PTPN11: variants seen among roughly 807,000 people sequenced by gnomAD.
The protein encoded by PTPN11 is protein tyrosine phosphatase non-receptor type 11.
In PTPN11, 6 loss-of-function variants were observed where a neutral mutation model predicts 78.8. That is an observed-to-expected ratio of 0.08 (90% CI 0.04 to 0.15). PTPN11 has a LOEUF of 0.15. PTPN11 is among the 10% of genes least tolerant of loss of function. PTPN11 has a pLI of 1.00. For missense variants in PTPN11, 386 were observed against 744.8 expected (o/e 0.52, Z 5.61); for synonymous variants, 221 against 263.5 (o/e 0.84, Z 1.56).
intron 13 of PTPN11, among the ~76,000 whole-genome samples, chr12:112,489,929 A>G (rs1039423176): frequency 6.6e-6 from 1 of 152,196 alleles, no homozygotes; most frequent in Non-Finnish European, 1.5e-5. Flanking sequence ...CAGTATTTGA[A>G]AGATTTCTAG....
chr12:112,419,261 TCG>T, intron 1 of PTPN11, 136 bp downstream of exon 1: 1 of 868,332 alleles, frequency 1.2e-6, no homozygotes, highest in Non-Finnish European at 1.6e-6. Flanking sequence ...GGTTCCCTCC[TCG>T]TCCCCTCGCC....
chr12:112,499,383 C>G (rs1371540569), intron 13 of PTPN11, among the ~76,000 whole-genome samples: 1 of 151,992 alleles, frequency 6.6e-6, no homozygotes, highest in East Asian at 1.9e-4. Flanking sequence ...TCTCAAGTCA[C>G]CCAGGCTGGA....
At chr12:112,455,855 A>G in intron 5 of PTPN11, 95 bp from the exon 6 acceptor site, 1 of 793,624 alleles carries the variant, frequency 1.3e-6, no homozygotes, top group Non-Finnish European at 2.2e-6. Context: ...GCCTTTATGA[A>G]TATCAACATA....
intron 7 of PTPN11, among the ~76,000 whole-genome samples, chr12:112,473,906 T>G (rs910588732): frequency 6.6e-5 from 10 of 152,092 alleles, no homozygotes; most frequent in African/African-American, 2.4e-4. Context: ...ACCTTTCAAT[T>G]TTTTTTTGAG....
intron 13 of PTPN11, 73 bp downstream of exon 13, chr12:112,489,248 C>T (rs1255780706): frequency 6.5e-7 from 1 of 1,541,464 alleles, no homozygotes; most frequent in Non-Finnish European, 9.0e-7. Context: ...TCCTTTTGAG[C>T]AGGAGGACAG....
At chr12:112,501,009 A>G (rs1049451320) in intron 13 of PTPN11, among the ~76,000 whole-genome samples, 6 of 152,258 alleles carry the variant, frequency 3.9e-5, no homozygotes, top group Middle Eastern at 3.4e-3. Context: ...GGCTCAAGCA[A>G]TTCTCCTGCC....
At chr12:112,432,556 C>G (rs1566157477) in intron 1 of PTPN11, among the ~76,000 whole-genome samples, 1 of 151,476 alleles carries the variant, frequency 6.6e-6, no homozygotes, top group Non-Finnish European at 1.5e-5. Context: ...GTAATCCCAG[C>G]TACTCAGGAG....
In PTPN11 at chr12:112,453,243, T is replaced by C. The variant is rs757004128; in HGVS notation, c.381T>C (p.Thr127=). The change falls in exon 4 of 16, where the codon ACT becomes ACC. Residue 127 remains threonine, a synonymous_variant. Coordinates refer to ENST00000351677, the MANE Select transcript of PTPN11 (RefSeq NM_002834.5). ...GGAAAGAAGCAGAGAAATTATTAACTGAAAAAGGAAAACATGGTAGTTTTC... is the reference window on the plus strand; with the variant it reads ...GGAAAGAAGCAGAGAAATTATTAACCGAAAAAGGAAAACATGGTAGTTTTC... The part of the protein sequence containing the change: ...LSGKEAEKLL[T]EKGKHGSFLV... The C allele has an allele frequency of 6.2e-7, 1 of 1,613,088 alleles. No homozygotes were observed. The highest frequency in any genetic ancestry group is 1.7e-5 in the Admixed American group (1 of 60,012).
chr12:112,434,939 A>G (rs1391471501), intron 1 of PTPN11, among the ~76,000 whole-genome samples: 1 of 151,864 alleles, frequency 6.6e-6, no homozygotes, highest in Non-Finnish European at 1.5e-5. Flanking sequence ...GGCACGCACC[A>G]CCATGCCCAG....
intron 9 of PTPN11, among the ~76,000 whole-genome samples, chr12:112,479,835 C>A (rs1566182180): frequency 6.6e-6 from 1 of 152,130 alleles, no homozygotes; most frequent in Admixed American, 6.6e-5. Context: ...AATCACTCTG[C>A]CCCACCCCTC....
intron 6 of PTPN11, 53 bp from the exon 7 acceptor site, chr12:112,472,891 C>CT: frequency 7.1e-7 from 1 of 1,400,182 alleles, no homozygotes; most frequent in Non-Finnish European, 1.0e-6. Flanking sequence ...AGGCTTTTTT[C>CT]TTTTTCTGTG....
intron 10 of PTPN11, among the ~76,000 whole-genome samples, chr12:112,485,358 A>G (rs1394375354): frequency 6.6e-6 from 1 of 152,206 alleles, no homozygotes; most frequent in East Asian, 1.9e-4. Context: ...ACCCAGAAAC[A>G]TGATACTTTT....
chr12:112,454,464 A>G (rs1282781248), intron 4 of PTPN11, 100 bp from the exon 5 acceptor site: 4 of 883,732 alleles, frequency 4.5e-6, no homozygotes, highest in Non-Finnish European at 7.7e-6. Flanking sequence ...TCTATATACT[A>G]GCTATTGTGA....
intron 6 of PTPN11, among the ~76,000 whole-genome samples, chr12:112,457,062 A>G (rs996939902): frequency 3.9e-5 from 6 of 152,134 alleles, no homozygotes; most frequent in Non-Finnish European, 8.8e-5. Flanking sequence ...TAAGTCCTGC[A>G]TGCATTAGGT....
chr12:112,484,913 A>T (rs1203896389), intron 10 of PTPN11, among the ~76,000 whole-genome samples: 2 of 148,362 alleles, frequency 1.3e-5, no homozygotes, highest in Non-Finnish European at 1.5e-5. Flanking sequence ...TAAAAAAATT[A>T]AAAAAAAAAG....
chr12:112,492,035 C>T (rs2038753111), intron 13 of PTPN11, among the ~76,000 whole-genome samples: 1 of 152,174 alleles, frequency 6.6e-6, no homozygotes, highest in South Asian at 2.1e-4. Context: ...TCTCTTTAAT[C>T]TGGAACAGTT....
At chr12:112,442,272 A>G (rs1006192399) in intron 1 of PTPN11, among the ~76,000 whole-genome samples, 1 of 152,150 alleles carries the variant, frequency 6.6e-6, no homozygotes, top group South Asian at 2.1e-4. Flanking sequence ...ATACAGGTTG[A>G]GTATCCCTTA....
At chr12:112,505,392 C>T (rs913389455) in intron 15 of PTPN11, among the ~76,000 whole-genome samples, 15 of 152,068 alleles carry the variant, frequency 9.9e-5, no homozygotes, top group African/African-American at 2.9e-4. Flanking sequence ...CTTATCTGGG[C>T]ATGGTGGCTC....
chr12:112,469,513 TTTTC>T (rs2038381306), intron 6 of PTPN11, among the ~76,000 whole-genome samples: 2 of 152,172 alleles, frequency 1.3e-5, no homozygotes, highest in Admixed American at 6.6e-5. Flanking sequence ...GCAATTTCTT[TTTTC>T]TTTTTCTTTT....
Sources: gnomAD v4.1 joint callset for allele counts (sites outside exome capture counted in the v4.1 genomes callset) on GRCh38, gnomAD v4.1.1 for gene constraint, MANE v1.5 for transcripts, NCBI Gene and HGNC (gene_info 2026-07-23, HGNC 2026-07-21) for gene names.